PIK3C2B: variants seen among roughly 807,000 people sequenced by gnomAD.
PIK3C2B encodes the protein phosphatidylinositol 4-phosphate 3-kinase C2 domain-containing subunit beta.
A neutral mutation model predicts 184.3 loss-of-function variants in PIK3C2B; 83 were observed. The ratio of observed to expected loss-of-function variants is 0.45; its 90% CI spans 0.38 to 0.54. PIK3C2B has a LOEUF of 0.54. Among genes scored for constraint, PIK3C2B ranks in the 20% least tolerant of loss-of-function variants. PIK3C2B has a pLI of 0.00. For missense variants in PIK3C2B, 1,736 were observed against 2,113.5 expected (o/e 0.82, Z 3.50); for synonymous variants, 779 against 837.6 (o/e 0.93, Z 1.21).
chr1:204,466,561 C>T (rs1489353246), intron 2 of PIK3C2B, among the ~76,000 whole-genome samples: 1 of 152,072 alleles, frequency 6.6e-6, no homozygotes. Context: ...CAAGTTCGTG[C>T]CTGTGTCCCA....
rs1655194864 is a variant in PIK3C2B, at chr1:204,460,006, C to G, written c.1503-65G>C. The G allele has an allele frequency of 4.8e-6, 6 of 1,260,168 alleles. No homozygotes were observed. The South Asian group carries it at 7.4e-5, about 16-fold the overall frequency. 78.1% of individuals were successfully genotyped at this position (1,260,168 alleles called of 1,614,324 possible). On this transcript the variant is annotated intron_variant, in intron 7 of 32. Transcript: ENST00000684373. ...TGAAAGACCCAGTGCCCTGGGAAACCCATTTTCTCCCTCCCTCTCCTCAGC... is the reference window on the plus strand; with the variant it reads ...TGAAAGACCCAGTGCCCTGGGAAACGCATTTTCTCCCTCCCTCTCCTCAGC...
At chr1:204,486,394 CAAAAAA>C (rs34149363) in intron 1 of PIK3C2B, among the ~76,000 whole-genome samples, 2 of 86,588 alleles carry the variant, frequency 2.3e-5, no homozygotes, top group African/African-American at 9.4e-5. Flanking sequence ...GACTCAGTCT[CAAAAAA>C]AAAAAAAAAA....
At chr1:204,446,225 C>A in intron 15 of PIK3C2B, 81 bp from the exon 16 acceptor site, 2 of 978,100 alleles carry the variant, frequency 2.0e-6, no homozygotes. Flanking sequence ...GGGGTGCAGC[C>A]CTTACCCTCA....
chr1:204,462,009 G>C (rs1655374114), intron 5 of PIK3C2B, among the ~76,000 whole-genome samples: 1 of 152,150 alleles, frequency 6.6e-6, no homozygotes, highest in South Asian at 2.1e-4. Context: ...TGGGGGTCTG[G>C]GGGCTGGGCC....
chr1:204,440,180 C>T lies in PIK3C2B; in HGVS notation c.3379+12G>A, dbSNP rs759910062. The T allele has an allele frequency of 3.1e-6, 5 of 1,610,386 alleles. No homozygotes were observed. The East Asian group carries it at 9.1e-5, about 29-fold the overall frequency. ...GTCCCCTCCTCCACCCTCACCCCTACTCCCAACTGACCTCTGCCCCGGCCG... is the reference window on the plus strand; with the variant it reads ...GTCCCCTCCTCCACCCTCACCCCTATTCCCAACTGACCTCTGCCCCGGCCG... On this transcript the variant is annotated intron_variant, in intron 22 of 32. Transcript: ENST00000684373.
Position 204,433,201 on chromosome 1 carries a change from G to A in PIK3C2B, c.3953+115C>T. 3.2e-6 allele frequency: 2 copies of A among 627,650 alleles called. No individual in the cohort carries two copies. Among genetic ancestry groups the A allele is most frequent in the Admixed American group, 5.8e-5 (2 of 34,626 alleles). The allele number at this position is 627,650 out of a possible 1,614,324, so 38.9% of individuals were successfully genotyped here. ...CAATGTATCCACGTGGTCAGCTCTA[G>A]GCTCTAGCATCTGAGCTAAGCTTTT... is the stretch of plus-strand genomic sequence containing the variant. On this transcript the variant is annotated intron_variant, in intron 26 of 32. Transcript: ENST00000684373. The surrounding 1 kb of genome is among the most constrained non-coding windows in gnomAD (Gnocchi z 5.0).
intron 28 of PIK3C2B, 79 bp from the exon 29 acceptor site, chr1:204,430,117 A>C (rs750443007): frequency 2.3e-5 from 21 of 899,576 alleles, no homozygotes; most frequent in Non-Finnish European, 3.5e-5. Context: ...CTTTTTTCAC[A>C]TTTCATTTGC....
At chr1:204,430,690 G>A (rs922192678) in intron 28 of PIK3C2B, among the ~76,000 whole-genome samples, 17 of 150,662 alleles carry the variant, frequency 1.1e-4, no homozygotes, top group African/African-American at 2.0e-4. Context: ...ACTGAGTCTC[G>A]CTTTGCCGCC....
At chr1:204,478,663 C>T (rs186322855) in intron 1 of PIK3C2B, among the ~76,000 whole-genome samples, 53 of 152,340 alleles carry the variant, frequency 3.5e-4, no homozygotes, top group African/African-American at 1.2e-3. Context: ...TACATCCCCT[C>T]TCTAGTGACC....
intron 7 of PIK3C2B, 126 bp from the exon 8 acceptor site, chr1:204,460,067 A>T: frequency 1.3e-6 from 1 of 789,912 alleles, no homozygotes; most frequent in Non-Finnish European, 2.2e-6. Flanking sequence ...CACTCTTTCT[A>T]TATGTCCTGT....
Position 204,433,574 on chromosome 1 carries a change from C to G in PIK3C2B, c.3844-149G>C. On this transcript the variant is annotated intron_variant, in intron 25 of 32. Coordinates refer to ENST00000684373, the MANE Select transcript of PIK3C2B (RefSeq NM_001377334.1). The surrounding 1 kb of genome is among the most constrained non-coding windows in gnomAD (Gnocchi z 5.0). ...GATGCTGTGGGCAGTGGCTGGAGGG[C>G]CACAGGAACTGAAGGGCTGGAGCAG... 1 of 711,740 alleles carries G rather than the reference C, an allele frequency of 1.4e-6. No individual in the cohort carries two copies. Among genetic ancestry groups the G allele is most frequent in the East Asian group, 2.5e-5 (1 of 39,280 alleles). The allele number at this position is 711,740 out of a possible 1,614,324, so 44.1% of individuals were successfully genotyped here. A position where few individuals can be genotyped will look rare whatever the true frequency, so the allele number is the denominator to read the frequency against.
chr1:204,488,206 C>T (rs981221610), intron 1 of PIK3C2B, among the ~76,000 whole-genome samples: 3 of 152,206 alleles, frequency 2.0e-5, no homozygotes, highest in Non-Finnish European at 4.4e-5. Context: ...TAACCATCTG[C>T]CGAACTTGCA....
At chr1:204,425,866 A>T (rs1475753343) in intron 31 of PIK3C2B, 125 bp from the exon 32 acceptor site, 1 of 797,468 alleles carries the variant, frequency 1.3e-6, no homozygotes, top group Non-Finnish European at 2.0e-6. Flanking sequence ...ATGCACAACT[A>T]ATTTATTTGT....
intron 26 of PIK3C2B, among the ~76,000 whole-genome samples, chr1:204,432,627 T>A (rs1166533134): frequency 6.6e-6 from 1 of 152,174 alleles, no homozygotes; most frequent in Admixed American, 6.6e-5. Flanking sequence ...GCTGCCCACC[T>A]GAGCCAAAAA....
At chr1:204,490,470 G>C (rs1657931887) in intron 1 of PIK3C2B, 1 of 152,310 alleles carries the variant, frequency 6.6e-6, no homozygotes, top group Non-Finnish European at 1.5e-5. Flanking sequence ...ACTCCAAAGT[G>C]TTGCAGGATA....
In PIK3C2B at chr1:204,442,513, A is replaced by G; in HGVS notation, c.3156+13T>C. 6.5e-7 allele frequency: 1 copy of G among 1,530,562 alleles called. No individual in the cohort carries two copies. The highest frequency in any genetic ancestry group is 8.9e-7 in the Non-Finnish European group (1 of 1,127,770). The allele number at this position is 1,530,562 out of a possible 1,614,324, so 94.8% of individuals were successfully genotyped here. On this transcript the variant is annotated intron_variant, in intron 20 of 32. Coordinates refer to ENST00000684373, the MANE Select transcript of PIK3C2B (RefSeq NM_001377334.1). ...CTCCCACTCTGAGAGCCCCAAACCT[A>G]CCAGTCACTCACCCTGGGCACAATT...
chr1:204,480,794 GC>G (rs1657067569), intron 1 of PIK3C2B, among the ~76,000 whole-genome samples: 1 of 151,984 alleles, frequency 6.6e-6, no homozygotes, highest in Non-Finnish European at 1.5e-5. Flanking sequence ...CGGCTAAGGC[GC>G]CGACCAGCCC....
At chr1:204,465,166 C>CCCCCCCCA in intron 3 of PIK3C2B, 53 bp downstream of exon 3, 1 of 752,512 alleles carries the variant, frequency 1.3e-6, no homozygotes. Flanking sequence ...GGATGGCCCC[C>CCCCCCCCA]CTCCCCATCC....
rs1656096073 is a variant in PIK3C2B, at chr1:204,469,271, G to A, written c.532C>T (p.Pro178Ser). Residue 178 changes from proline to serine, a missense_variant, in exon 2 of 33, where the codon CCC (proline) becomes TCC (serine). Pro to Ser is a moderately conservative substitution (Grantham distance 74). Transcript: ENST00000684373. ...GGCTGGGAGATCTTGGAGGATGAGG[G>A]GGACCCCTTTCTGGGAGGCAGGGGA... ...TPPLPPRKGSPSSSKISQPSD... is the reference protein window; with the variant it reads ...TPPLPPRKGSSSSSKISQPSD... 3 of 1,555,732 alleles carry A rather than the reference G, an allele frequency of 1.9e-6. No individual in the cohort carries two copies. Among genetic ancestry groups the A allele is most frequent in the African/African-American group, 1.4e-5 (1 of 73,324 alleles).
Sources: gnomAD v4.1 joint callset for allele counts (sites outside exome capture counted in the v4.1 genomes callset) on GRCh38, gnomAD v4.1.1 for gene constraint, Gnocchi (gnomAD v3.1) non-coding constraint, MANE v1.5 for transcripts, NCBI Gene and HGNC (gene_info 2026-07-23, HGNC 2026-07-21) for gene names.